Variants in XRN1 observed in about 807,000 individuals in gnomAD.
The protein encoded by XRN1 is 5'-3' exoribonuclease 1.
XRN1 carries 67 observed loss-of-function variants against 222.3 expected under a neutral mutation model. The ratio of observed to expected loss-of-function variants is 0.30; its 90% CI spans 0.25 to 0.37. XRN1 has a LOEUF of 0.37. Ranked by LOEUF, XRN1 falls within the 10% of genes least tolerant of loss-of-function variation. XRN1 has a pLI of 1.00. For missense variants in XRN1, 1,707 were observed against 2,000.2 expected (o/e 0.85, Z 2.80); for synonymous variants, 643 against 652.4 (o/e 0.99, Z 0.22).
chr3:142,347,113 C>A, intron 33 of XRN1, 121 bp downstream of exon 33: 1 of 732,684 alleles, frequency 1.4e-6, no homozygotes, highest in Non-Finnish European at 2.1e-6. Context: ...CAAAAAACCA[C>A]TTATCGTATA....
chr3:142,344,795 A>T (rs1341307211), intron 33 of XRN1, among the ~76,000 whole-genome samples: 1 of 152,186 alleles, frequency 6.6e-6, no homozygotes, highest in African/African-American at 2.4e-5. Flanking sequence ...GGACAGGAAA[A>T]CTTAATACTG....
At position 142,307,549 on chromosome 3, in the gene XRN1, A is replaced by T. The variant is rs1251666049; in HGVS notation, c.*3962T>A. 1 of 152,126 alleles carries T rather than the reference A, an allele frequency of 6.6e-6. No homozygotes were observed. The highest frequency in any genetic ancestry group is 1.5e-5 in the Non-Finnish European group (1 of 68,018). The allele number at this position is 152,126 out of a possible 1,614,324, so 9.4% of individuals were successfully genotyped here. A position where few individuals can be genotyped will look rare whatever the true frequency, so the allele number is the denominator to read the frequency against. Reference sequence around the variant, plus strand: ...AGATAGTTGACATTTTGGACTACTAAAACTATTTTATACATGTTTTTCTTC... The same window carrying T: ...AGATAGTTGACATTTTGGACTACTATAACTATTTTATACATGTTTTTCTTC... On this transcript the variant is annotated 3_prime_UTR_variant, in exon 41 of 41. Transcript: ENST00000392981.
At chr3:142,421,384 T>C in intron 9 of XRN1, 92 bp downstream of exon 9, 3 of 1,084,304 alleles carry the variant, frequency 2.8e-6, no homozygotes. Flanking sequence ...GGAATAGAAT[T>C]ATAAAACCCC....
chr3:142,332,777 G>C, intron 35 of XRN1, 190 bp downstream of exon 35: 1 of 850,796 alleles, frequency 1.2e-6, no homozygotes, highest in Non-Finnish European at 1.7e-6. Flanking sequence ...GAAAAGCAGG[G>C]GAACTGTGGT....
chr3:142,442,493 C>G (rs891597782), intron 1 of XRN1, among the ~76,000 whole-genome samples: 4 of 152,242 alleles, frequency 2.6e-5, no homozygotes, highest in Non-Finnish European at 5.9e-5. Flanking sequence ...GTTTCCTCCC[C>G]TCAGGATGGC....
At chr3:142,388,311 A>C (rs908410717) in intron 20 of XRN1, among the ~76,000 whole-genome samples, 3 of 152,186 alleles carry the variant, frequency 2.0e-5, no homozygotes, top group Non-Finnish European at 4.4e-5. Context: ...ATTTTCTTCT[A>C]TCTTACTTTA....
intron 36 of XRN1, among the ~76,000 whole-genome samples, chr3:142,329,920 C>T (rs550389934): frequency 6.6e-6 from 1 of 152,198 alleles, no homozygotes; most frequent in South Asian, 2.1e-4. Flanking sequence ...TATAGAGCCA[C>T]CAACTGCATT....
intron 25 of XRN1, among the ~76,000 whole-genome samples, chr3:142,375,106 T>C (rs544718403): frequency 6.6e-6 from 1 of 152,304 alleles, no homozygotes; most frequent in East Asian, 1.9e-4. Context: ...TCCTGCAATA[T>C]CTCGATTTTG....
At chr3:142,371,836 G>A (rs1447581705) in intron 25 of XRN1, among the ~76,000 whole-genome samples, 1 of 152,090 alleles carries the variant, frequency 6.6e-6, no homozygotes, top group Non-Finnish European at 1.5e-5. Context: ...ATAAAAAAGA[G>A]CACAGACCTA....
chr3:142,421,041 T>C lies in XRN1; in HGVS notation c.1148A>G (p.Asn383Ser), dbSNP rs761650231. 1 of 1,614,034 alleles carries C rather than the reference T, an allele frequency of 6.2e-7. No individual in the cohort carries two copies. The highest frequency in any genetic ancestry group is 1.1e-5 in the South Asian group (1 of 91,066). ...CTTTAACTTTTTCTTTTCCTTGTAG[T>C]TCCTGGCTTCTTCTGCTGCGACACC... ...AAGVAAEEAR[N>S]YKEKKKLKGQ... Residue 383 changes from asparagine to serine, a missense_variant, in exon 10 of 41, where the codon AAC (asparagine) becomes AGC (serine). This residue lies in a region of XRN1 where 1,234 missense variants were observed against 1,518.2 expected (regional missense o/e 0.81). Coordinates refer to ENST00000392981, the MANE Select transcript of XRN1 (RefSeq NM_001282857.2).
chr3:142,421,230 GACT>G lies in XRN1; in HGVS notation c.1036-80_1036-78del, dbSNP rs1469941911. On this transcript the variant is annotated intron_variant, in intron 9 of 40. Coordinates refer to ENST00000392981, the MANE Select transcript of XRN1 (RefSeq NM_001282857.2). ...GAATACAAATCAAACTTAAAACAGT[GACT>G]ACTACTGGGGTATAGGAAATTGGAG... 9.1e-6 allele frequency: 12 copies of G among 1,325,076 alleles called. No homozygotes were observed. In the East Asian group the frequency reaches 2.9e-4, roughly 32 times the overall value. The allele number at this position is 1,325,076 out of a possible 1,614,324, so 82.1% of individuals were successfully genotyped here.
chr3:142,361,959 CTCTCT>C (rs2066647783), intron 29 of XRN1, among the ~76,000 whole-genome samples: 1 of 85,086 alleles, frequency 1.2e-5, no homozygotes, highest in Admixed American at 1.3e-4. Flanking sequence ...TTTTCTTTTT[CTCTCT>C]TTTTTTTTTT....
Position 142,400,461 on chromosome 3 carries a change from T to C in XRN1, c.2190A>G (p.Val730=), listed in dbSNP as rs746577153. ...TTACTTACTTAGTTTCTCCATCTGA[T>C]ACAGCCACGACTCTAGCTTCCTCAA... is the stretch of plus-strand genomic sequence containing the variant. The part of the protein sequence containing the change: ...PHLEEARVVA[V]SDGETKFYLE... Residue 730 remains valine (V), a synonymous_variant, in exon 19 of 41, where the codon GTA becomes GTG. Coordinates refer to ENST00000392981, the MANE Select transcript of XRN1 (RefSeq NM_001282857.2). 1 of 1,609,924 alleles carries C rather than the reference T, an allele frequency of 6.2e-7. No homozygotes were observed. The highest frequency in any genetic ancestry group is 2.2e-5 in the East Asian group (1 of 44,810).
chr3:142,447,749 G>T lies in XRN1; in HGVS notation c.75+121C>A. ...CAAACCTTCCGTCCCCCTCCCTAAT[G>T]CCACTAATCGTCCAGACGACGAGGG... On this transcript the variant is annotated intron_variant, in intron 1 of 40. Coordinates refer to ENST00000392981, the MANE Select transcript of XRN1 (RefSeq NM_001282857.2). The surrounding 1 kb of genome is among the most constrained non-coding windows in gnomAD (Gnocchi z 4.2). 1 of 1,167,766 alleles carries T rather than the reference G, an allele frequency of 8.6e-7. No homozygotes were observed. Among genetic ancestry groups the T allele is most frequent in the Non-Finnish European group, 1.2e-6 (1 of 816,808 alleles). 72.3% of individuals were successfully genotyped at this position (1,167,766 alleles called of 1,614,324 possible).
chr3:142,311,600 A>C lies in XRN1; in HGVS notation c.4996T>G (p.Ser1666Ala). The C allele has an allele frequency of 6.2e-7, 1 of 1,614,140 alleles. No individual in the cohort carries two copies. Among genetic ancestry groups the C allele is most frequent in the East Asian group, 2.2e-5 (1 of 44,882 alleles). The change falls in exon 41 of 41, where the codon TCT becomes GCT. Residue 1666 changes from serine (S) to alanine (A), a missense_variant. Physicochemically the swap from Ser to Ala is moderately conservative, Grantham distance 99 (BLOSUM62 1). Around this residue, in one of 2 missense-constraint regions of XRN1, gnomAD observed 473 missense variants for 482.0 expected, o/e 0.98. Transcript: ENST00000392981. The part of the protein sequence containing the change: ...VETASQGHSI[S>A]HHKSTPISSS... ...GAGATTGGTGTTGACTTATGGTGAG[A>C]TATACTATGGCCTTGAGAGGCAGTT... is the stretch of plus-strand genomic sequence containing the variant.
chr3:142,422,330 A>G (rs1423370008), intron 8 of XRN1, among the ~76,000 whole-genome samples: 2 of 152,194 alleles, frequency 1.3e-5, no homozygotes, highest in Non-Finnish European at 2.9e-5. Context: ...GTCTCAAAAA[A>G]TAAATAAATA....
chr3:142,379,915 A>T (rs1303583272), intron 23 of XRN1, among the ~76,000 whole-genome samples, 167 bp downstream of exon 23: 1 of 152,140 alleles, frequency 6.6e-6, no homozygotes, highest in Non-Finnish European at 1.5e-5. Context: ...TGAAGTTTTG[A>T]GCACAGATTC....
At chr3:142,420,649 G>A (rs147709311) in intron 10 of XRN1, among the ~76,000 whole-genome samples, 333 of 151,856 alleles carry the variant, frequency 2.2e-3, no homozygotes, top group Admixed American at 4.0e-3. Flanking sequence ...GGGATTACAG[G>A]TGTGAGCCAC....
chr3:142,428,784 C>T (rs1319664629), intron 2 of XRN1, among the ~76,000 whole-genome samples: 1 of 152,118 alleles, frequency 6.6e-6, no homozygotes, highest in African/African-American at 2.4e-5. Context: ...AATATGTTAA[C>T]CCTGAAGTAT....
Sources: allele counts gnomAD v4.1 joint callset (sites outside exome capture counted in the v4.1 genomes callset), GRCh38; gene constraint gnomAD v4.1.1; regional missense constraint gnomAD v4.1.1; non-coding constraint Gnocchi (gnomAD v3.1); transcripts MANE v1.5; gene names NCBI Gene and HGNC (gene_info 2026-07-23, HGNC 2026-07-21).